The following RNLS variants were observed in gnomAD, a reference collection of about 807,000 sequenced individuals.
The protein encoded by RNLS is renalase.
A neutral mutation model predicts 39.8 loss-of-function variants in RNLS; 39 were observed. That is an observed-to-expected ratio of 0.98 (90% CI 0.76 to 1.28). RNLS has a LOEUF of 1.28. RNLS is among the 50% of genes most tolerant of loss of function. RNLS has a pLI of 0.00. For synonymous variants in RNLS, 147 were observed against 150.7 expected (o/e 0.98, Z 0.18); for missense variants, 410 against 413.3 (o/e 0.99, Z 0.07).
chr10:88,296,013 T>C (rs994519239), intron 6 of RNLS, among the ~76,000 whole-genome samples: 2 of 152,194 alleles, frequency 1.3e-5, no homozygotes, highest in African/African-American at 4.8e-5. Flanking sequence ...TTAGAGTTTT[T>C]AATTTAATAG....
chr10:88,187,217 T>TATATATATAATATATATAATATATATATA, the RNLS span, among the ~76,000 whole-genome samples: 11 of 140,250 alleles, frequency 7.8e-5, no homozygotes, highest in Non-Finnish European at 1.1e-4. Flanking sequence ...AATATATATA[T>TATATATATAATATATATAATATATATATA]ATAGGACTTG....
chr10:88,390,452 G>T (rs960386503), intron 4 of RNLS, among the ~76,000 whole-genome samples: 1 of 152,196 alleles, frequency 6.6e-6, no homozygotes, highest in Non-Finnish European at 1.5e-5. Flanking sequence ...CCCCCAAAGT[G>T]TCTGCAAATT....
chr10:88,515,058 T>C (rs1846338255), intron 4 of RNLS, among the ~76,000 whole-genome samples: 1 of 146,210 alleles, frequency 6.8e-6, no homozygotes, highest in Non-Finnish European at 1.5e-5. Context: ...AAATAATGGC[T>C]ACATTTTTTT....
chr10:88,441,469 T>C (rs1421678457), intron 4 of RNLS, among the ~76,000 whole-genome samples: 1 of 152,256 alleles, frequency 6.6e-6, no homozygotes, highest in African/African-American at 2.4e-5. Context: ...ACATTACTTA[T>C]GAGTCTGAAA....
chr10:88,297,377 G>A (rs530196442), intron 6 of RNLS, among the ~76,000 whole-genome samples: 16 of 152,238 alleles, frequency 1.1e-4, no homozygotes, highest in African/African-American at 2.6e-4. Context: ...TAGGCATGTC[G>A]TAGTATTTCA....
chr10:88,372,691 T>TA (rs760827223), intron 4 of RNLS, among the ~76,000 whole-genome samples: 4 of 152,168 alleles, frequency 2.6e-5, no homozygotes, highest in Admixed American at 2.0e-4. Flanking sequence ...CTAATCACTA[T>TA]AAAAAATCTC....
At chr10:88,278,687 G>A (rs901646400) in intron 6 of RNLS, among the ~76,000 whole-genome samples, 17 of 152,064 alleles carry the variant, frequency 1.1e-4, no homozygotes, top group Admixed American at 2.0e-4. Flanking sequence ...CAACTCTCCC[G>A]CCTTCCCCCA....
chr10:88,419,951 G>A (rs1854295227), intron 4 of RNLS, among the ~76,000 whole-genome samples: 2 of 151,596 alleles, frequency 1.3e-5, no homozygotes, highest in African/African-American at 4.9e-5. Context: ...TGGAGGTTGT[G>A]ATGAGCTGAG....
At chr10:88,541,336 T>C (rs1220107153) in intron 4 of RNLS, among the ~76,000 whole-genome samples, 1 of 152,220 alleles carries the variant, frequency 6.6e-6, no homozygotes, top group Non-Finnish European at 1.5e-5. Context: ...AGTCATTTAC[T>C]TCATGTTGAT....
chr10:88,354,537 T>C (rs1334621523), intron 5 of RNLS, among the ~76,000 whole-genome samples: 1 of 152,240 alleles, frequency 6.6e-6, no homozygotes. Flanking sequence ...GAATGTTGAA[T>C]ATTGGCCCCC....
chr10:88,582,375 C>T, intron 1 of RNLS, 68 bp from the exon 2 acceptor site: 1 of 1,213,572 alleles, frequency 8.2e-7, no homozygotes, highest in Non-Finnish European at 1.2e-6. Flanking sequence ...TTCAATGCAC[C>T]TTAGGTTACC....
At chr10:88,577,818 C>T (rs757535937) in intron 3 of RNLS, among the ~76,000 whole-genome samples, 3 of 152,142 alleles carry the variant, frequency 2.0e-5, no homozygotes, top group Non-Finnish European at 4.4e-5. Context: ...AAGAAAGCAT[C>T]TATTTCCTTT....
rs182487087 is a variant in RNLS at position 88,548,317 on chromosome 10, T to G, written c.526+24586A>C. Among the ~76,000 whole-genome samples, 23 of 124,338 alleles carry G rather than the reference T, an allele frequency of 1.8e-4. No individual in the cohort carries two copies. The East Asian group carries it at 5.3e-3, about 29-fold the overall frequency. The allele number at this position is 124,338 out of a possible 152,430, so 81.6% of individuals were successfully genotyped here. A position where few individuals can be genotyped will look rare whatever the true frequency, so the allele number is the denominator to read the frequency against. On this transcript the variant is annotated intron_variant, in intron 4 of 6. Coordinates refer to ENST00000331772, the MANE Select transcript of RNLS (RefSeq NM_001031709.3). ...AAGAAAAGAAAAAAGAAAATAAAAT[T>G]AAATAGGGCAAGTGACTTATAAACT...
the RNLS span, among the ~76,000 whole-genome samples, chr10:88,252,792 G>A: frequency 2.0e-5 from 3 of 152,168 alleles, no homozygotes; most frequent in African/African-American, 4.8e-5. Context: ...CATAGTAGGT[G>A]CCCAATTAAT....
chr10:88,445,540 C>A (rs929501686), intron 4 of RNLS, among the ~76,000 whole-genome samples: 3 of 152,168 alleles, frequency 2.0e-5, no homozygotes, highest in Non-Finnish European at 4.4e-5. Flanking sequence ...AGAGTCAAGA[C>A]TCATCAGTGT....
At chr10:88,249,304 A>G in the RNLS span, among the ~76,000 whole-genome samples, 8 of 152,206 alleles carry the variant, frequency 5.3e-5, no homozygotes, top group Non-Finnish European at 1.2e-4. Context: ...TCTCTGGCCT[A>G]GGGGTGGTAG....
chr10:88,385,601 G>A (rs1373127786), intron 4 of RNLS, among the ~76,000 whole-genome samples: 5 of 152,190 alleles, frequency 3.3e-5, no homozygotes, highest in African/African-American at 1.2e-4. Flanking sequence ...CTCTGTCTCT[G>A]CCAAGCAAAG....
At chr10:88,272,479 G>A (rs1054214970), downstream of RNLS, among the ~76,000 whole-genome samples, 1 of 152,052 alleles carries the variant, frequency 6.6e-6, no homozygotes, top group African/African-American at 2.4e-5. Flanking sequence ...ATGGATTCTT[G>A]GGTCCCTCTC....
intron 4 of RNLS, among the ~76,000 whole-genome samples, chr10:88,479,739 A>G (rs1844040685): frequency 6.7e-6 from 1 of 150,148 alleles, no homozygotes; most frequent in Non-Finnish European, 1.5e-5. Context: ...CCTATTTTCC[A>G]TTCATGACTT....
Sources: allele counts gnomAD v4.1 joint callset (sites outside exome capture counted in the v4.1 genomes callset), GRCh38; gene constraint gnomAD v4.1.1; transcripts MANE v1.5; gene names NCBI Gene and HGNC (gene_info 2026-07-23, HGNC 2026-07-21).